The following VAV2 variants were observed in gnomAD, a reference collection of about 807,000 sequenced individuals.
The protein encoded by VAV2 is vav guanine nucleotide exchange factor 2.
VAV2 carries 67 observed loss-of-function variants against 132.5 expected under a neutral mutation model. That is an observed-to-expected ratio of 0.51 (90% CI 0.42 to 0.62). The LOEUF (loss-of-function observed/expected upper bound fraction) is 0.62. Ranked by LOEUF, VAV2 falls within the 20% of genes least tolerant of loss-of-function variation. The probability of loss-of-function intolerance (pLI) is 0.00; values close to 1 mark genes in which losing one functional copy is unlikely to be tolerated. For synonymous variants in VAV2, 492 were observed against 443.5 expected (o/e 1.11, Z -1.37); for missense variants, 938 against 1,153.6 (o/e 0.81, Z 2.71).
chr9:133,866,805 CAA>C (rs55659710), intron 2 of VAV2, among the ~76,000 whole-genome samples: 9 of 85,196 alleles, frequency 1.1e-4, no homozygotes, highest in Non-Finnish European at 1.2e-4. Context: ...GACTCCGTCT[CAA>C]AAAAAAAAAA....
chr9:133,946,581 T>C (rs1841367944), intron 1 of VAV2, among the ~76,000 whole-genome samples: 1 of 152,224 alleles, frequency 6.6e-6, no homozygotes, highest in African/African-American at 2.4e-5. Flanking sequence ...TCACTAACAC[T>C]GCGCTTAGCA....
intron 19 of VAV2, among the ~76,000 whole-genome samples, chr9:133,781,032 T>C (rs887300105): frequency 1.3e-5 from 2 of 152,214 alleles, no homozygotes; most frequent in Non-Finnish European, 2.9e-5. Flanking sequence ...GGCAGCTGCC[T>C]GGATCATGGG....
At chr9:133,785,973 T>C (rs1021684491) in intron 16 of VAV2, 88 bp from the exon 17 acceptor site, 1 of 1,167,052 alleles carries the variant, frequency 8.6e-7, no homozygotes, top group African/African-American at 1.5e-5. Context: ...CTGTGCAGCA[T>C]GTGCACGTGT....
At chr9:133,907,713 G>A (rs560072573) in intron 2 of VAV2, among the ~76,000 whole-genome samples, 70 of 152,354 alleles carry the variant, frequency 4.6e-4, no homozygotes, top group African/African-American at 1.6e-3. Context: ...CTCGGGCCAT[G>A]CCAGCCTTTG....
At chr9:133,817,248 T>TCC (rs1835593839) in intron 4 of VAV2, among the ~76,000 whole-genome samples, 1 of 146,678 alleles carries the variant, frequency 6.8e-6, no homozygotes, top group Non-Finnish European at 1.5e-5. Flanking sequence ...CCTTCATTCT[T>TCC]CCTCTTCTGA....
chr9:133,810,175 C>T lies in VAV2; in HGVS notation c.567+16G>A, dbSNP rs1835306073. 1.2e-6 allele frequency: 2 copies of T among 1,613,306 alleles called. No homozygotes were observed. The highest frequency in any genetic ancestry group is 1.7e-6 in the Non-Finnish European group (2 of 1,179,832). On this transcript the variant is annotated intron_variant, in intron 6 of 29. Transcript: ENST00000371850. ...GCAGGCAGGACGTCCCCAGCCTCCC[C>T]TTCCGGGCCACTCACCTGCATGTAT...
chr9:133,973,429 T>C (rs1488124681), intron 1 of VAV2, among the ~76,000 whole-genome samples: 1 of 151,750 alleles, frequency 6.6e-6, no homozygotes, highest in African/African-American at 2.4e-5. Flanking sequence ...GACTGGAGAG[T>C]TATCCTGTCA....
rs1227888180 is a variant in VAV2 at position 133,768,360 on chromosome 9, G to T, written c.2589+82C>A. 6.5e-7 allele frequency: 1 copy of T among 1,542,330 alleles called. No individual in the cohort carries two copies. Among genetic ancestry groups the T allele is most frequent in the African/African-American group, 1.4e-5 (1 of 73,684 alleles). On this transcript the variant is annotated intron_variant, in intron 29 of 29. Transcript: ENST00000371850. This position sits in a 1 kb window ranked among gnomAD's most constrained non-coding sequence, Gnocchi z 5.3. ...AACAGGGCCTGGGGTGTGGACATAG[G>T]TGTGGTGCTAGTCTGCCTGAGCCCG...
At chr9:133,881,734 A>G (rs1165266638) in intron 2 of VAV2, among the ~76,000 whole-genome samples, 1 of 152,216 alleles carries the variant, frequency 6.6e-6, no homozygotes, top group African/African-American at 2.4e-5. Context: ...TTAATATTCT[A>G]TATTTTCAGC....
At position 133,777,518 on chromosome 9, in the gene VAV2, T is replaced by C. The variant is rs1833859028; in HGVS notation, c.1891-55A>G. On this transcript the variant is annotated intron_variant, in intron 22 of 29. Coordinates refer to ENST00000371850, the MANE Select transcript of VAV2 (RefSeq NM_001134398.2). ...GGGGGCCGAGCCTGGCCTATGGGAGTGTGGGGCCATTTAGACGGACTCAGC... is the reference window on the plus strand; with the variant it reads ...GGGGGCCGAGCCTGGCCTATGGGAGCGTGGGGCCATTTAGACGGACTCAGC... The C allele has an allele frequency of 2.1e-5, 33 of 1,550,234 alleles. No individual in the cohort carries two copies. In the South Asian group the frequency reaches 2.7e-4, roughly 13 times the overall value.
chr9:133,898,192 C>T (rs573224649), intron 2 of VAV2, among the ~76,000 whole-genome samples: 11 of 152,218 alleles, frequency 7.2e-5, no homozygotes, highest in African/African-American at 2.4e-4. Flanking sequence ...TGAGGCCGGG[C>T]GGGCACAGGT....
At chr9:133,944,110 A>G (rs143009226) in intron 1 of VAV2, among the ~76,000 whole-genome samples, 3 of 152,214 alleles carry the variant, frequency 2.0e-5, no homozygotes, top group African/African-American at 4.8e-5. Context: ...TGCTCACAGG[A>G]CAGTCACGTC....
At chr9:133,771,283 C>T (rs185050637) in intron 26 of VAV2, among the ~76,000 whole-genome samples, 116 of 151,964 alleles carry the variant, frequency 7.6e-4, no homozygotes, top group African/African-American at 2.6e-3. Context: ...AGGCTGGTCT[C>T]GAACTCCTGA....
intron 1 of VAV2, among the ~76,000 whole-genome samples, chr9:133,963,191 C>T (rs1474584278): frequency 6.6e-6 from 1 of 152,170 alleles, no homozygotes; most frequent in East Asian, 1.9e-4. Context: ...CAGGACCCAG[C>T]ACCAGGAGGC....
At chr9:133,980,954 C>G (rs1430706336) in intron 1 of VAV2, among the ~76,000 whole-genome samples, 1 of 151,002 alleles carries the variant, frequency 6.6e-6, no homozygotes, top group Non-Finnish European at 1.5e-5. Context: ...CAAGTACCAC[C>G]TCCTCCGGGA....
chr9:133,929,006 T>C (rs1014573403), intron 2 of VAV2, among the ~76,000 whole-genome samples: 2 of 152,098 alleles, frequency 1.3e-5, no homozygotes, highest in Non-Finnish European at 2.9e-5. Flanking sequence ...ACCCAGCCCA[T>C]GAAAACAGGC....
At chr9:133,988,133 G>A (rs768637966) in intron 1 of VAV2, among the ~76,000 whole-genome samples, 46 of 152,154 alleles carry the variant, frequency 3.0e-4, no homozygotes, top group Non-Finnish European at 5.6e-4. Context: ...CGGGCTAGAC[G>A]GCCTCATATG....
intron 1 of VAV2, among the ~76,000 whole-genome samples, chr9:133,957,576 G>A (rs549412908): frequency 9.2e-5 from 14 of 152,230 alleles, no homozygotes; most frequent in South Asian, 4.2e-4. Flanking sequence ...AGGGACATGC[G>A]GGCCTGGTAC....
chr9:133,778,632 T>G (rs1203017192), intron 22 of VAV2, 130 bp downstream of exon 22: 3 of 1,382,786 alleles, frequency 2.2e-6, no homozygotes, highest in African/African-American at 2.9e-5. Context: ...CCCCTGTGCC[T>G]CCTCCTCCCT....
Sources: allele counts gnomAD v4.1 joint callset (sites outside exome capture counted in the v4.1 genomes callset), GRCh38; gene constraint gnomAD v4.1.1; non-coding constraint Gnocchi (gnomAD v3.1); transcripts MANE v1.5; gene names NCBI Gene and HGNC (gene_info 2026-07-23, HGNC 2026-07-21).